Variants in JAK3 observed in about 807,000 individuals in gnomAD.
JAK3 encodes Janus kinase 3.
In JAK3, 88 loss-of-function variants were observed where a neutral mutation model predicts 120.8. That is an observed-to-expected ratio of 0.73 (90% CI 0.61 to 0.87). The LOEUF (loss-of-function observed/expected upper bound fraction) is 0.87, where lower values mean the gene tolerates loss of function less well. JAK3 is among the 40% of genes least tolerant of loss of function. JAK3 has a pLI of 0.00. For missense variants in JAK3, 1,254 were observed against 1,501.4 expected, an observed-to-expected ratio of 0.84 and a Z score of 2.72; for synonymous variants, 592 against 628.6, an observed-to-expected ratio of 0.94 and a Z score of 0.87.
Position 17,838,410 on chromosome 19 carries a change from G to A in JAK3, c.1442-20C>T, listed in dbSNP as rs1373834246. ...ACTTTTCTATGGGGAGAGGATGAGG[G>A]AGAAAAACCAGAAATCAGAGGTGAA... On this transcript the variant is annotated intron_variant, in intron 10 of 23. Transcript: ENST00000458235. 6.2e-7 allele frequency: 1 copy of A among 1,614,120 alleles called. No homozygotes were observed. The highest frequency in any genetic ancestry group is 8.5e-7 in the Non-Finnish European group (1 of 1,180,006).
At chr19:17,835,783 C>A in intron 14 of JAK3, 141 bp downstream of exon 14, 1 of 1,031,664 alleles carries the variant, frequency 9.7e-7, no homozygotes, top group Admixed American at 2.0e-5. Context: ...CTAGTGTTCT[C>A]ACAACCTGAA....
At position 17,843,046 on chromosome 19, in the gene JAK3, C is replaced by T. The variant is rs1236803438; in HGVS notation, c.547G>A (p.Glu183Lys). 3 of 1,610,712 alleles carry T rather than the reference C, an allele frequency of 1.9e-6. No individual in the cohort carries two copies. The highest frequency in any genetic ancestry group is 3.3e-5 in the Admixed American group (2 of 60,014). ...TCTCACCTGACAGTCTTCAGCAGCT[C>T]TCCCGGCCGCTGGGCCTGCTCTCGC... is the stretch of plus-strand genomic sequence containing the variant. Reference protein sequence around the residue: ...MAREQAQRPGELLKTVSYKAC... With the variant: ...MAREQAQRPGKLLKTVSYKAC... Residue 183 changes from glutamate to lysine, a missense_variant, in exon 5 of 24, where the codon GAG becomes AAG. By Grantham distance (56) the Glu-to-Lys change is moderately conservative (BLOSUM62 1). Around this residue, in one of 3 missense-constraint regions of JAK3, gnomAD observed 486 missense variants for 503.0 expected, o/e 0.97. Coordinates refer to ENST00000458235, the MANE Select transcript of JAK3 (RefSeq NM_000215.4). This position sits in a 1 kb window ranked among gnomAD's most constrained non-coding sequence, Gnocchi z 5.4.
chr19:17,828,956 A>G (rs1599864954), intron 23 of JAK3, among the ~76,000 whole-genome samples: 1 of 151,920 alleles, frequency 6.6e-6, no homozygotes, highest in Non-Finnish European at 1.5e-5. Flanking sequence ...CGAGCTCAAG[A>G]CCAGCCTAGG....
Position 17,836,047 on chromosome 19 carries a change from G to A in JAK3, c.1791C>T (p.Thr597=), listed in dbSNP as rs1264679447. 1.2e-6 allele frequency: 2 copies of A among 1,613,094 alleles called. No homozygotes were observed. The highest frequency in any genetic ancestry group is 2.7e-5 in the African/African-American group (2 of 74,872). Residue 597 remains threonine (T), a synonymous_variant, in exon 14 of 24, where the codon ACC becomes ACT. Transcript: ENST00000458235. ...CCAGGTGTACAAATTCCTGCACCAT[G>A]GTGCCTGGTTGGCAGCAGGGAGAGG... ...LHGVCMAGDS[T]MVQEFVHLGA... is the part of the protein sequence containing the mutation.
rs3212704 is a variant in JAK3 at position 17,845,796 on chromosome 19, T to TG, written c.-13-1367dup. Among the ~76,000 whole-genome samples, 978 of 152,210 alleles carry TG rather than the reference T, an allele frequency of 6.4e-3. 9 individuals carry two copies. The highest frequency in any genetic ancestry group is 0.022 in the African/African-American group (931 of 41,556). On this transcript the variant is annotated intron_variant, in intron 1 of 23. Transcript: ENST00000458235. ...AACTATGATCCAAAATAATGCCCTG[T>TG]GGCTGGGGTGGGGCGGCATTAATGA...
Position 17,830,853 on chromosome 19 carries a change from TG to T in JAK3, c.2979-234del, listed in dbSNP as rs35483219. On this transcript the variant is annotated intron_variant, in intron 21 of 23. Coordinates refer to ENST00000458235, the MANE Select transcript of JAK3 (RefSeq NM_000215.4). ...CGGGGGCAGCACGGAGGGGCGGAGA[TG>T]GGGGCGGGGCCAGAGCCGTGGGAGG... is the stretch of plus-strand genomic sequence containing the variant. Among the ~76,000 whole-genome samples the T allele has an allele frequency of 0.49, 31,954 of 64,880 alleles. 5,995 individuals carry two copies. Among genetic ancestry groups the T allele is most frequent in the East Asian group, 0.6 (1,438 of 2,396 alleles). The allele number at this position is 64,880 out of a possible 152,430, so 42.6% of individuals were successfully genotyped here.
Position 17,832,408 on chromosome 19 carries a change from G to C in JAK3, c.2680+111C>G. The C allele has an allele frequency of 9.3e-7, 1 of 1,076,040 alleles. No individual in the cohort carries two copies. Among genetic ancestry groups the C allele is most frequent in the Non-Finnish European group, 1.4e-6 (1 of 697,192 alleles). 66.7% of individuals were successfully genotyped at this position (1,076,040 alleles called of 1,614,324 possible). A position where few individuals can be genotyped will look rare whatever the true frequency, so the allele number is the denominator to read the frequency against. On this transcript the variant is annotated intron_variant, in intron 19 of 23. Transcript: ENST00000458235. This position sits in a 1 kb window ranked among gnomAD's most constrained non-coding sequence, Gnocchi z 4.7. ...CAAACCTGTAACCCATGTGAATCTG[G>C]ATCAATAATCACGTTCCCAGCCTAC...
chr19:17,829,094 G>C (rs3212786), intron 23 of JAK3, among the ~76,000 whole-genome samples: 1,569 of 152,178 alleles, frequency 0.01, 23 homozygotes, highest in African/African-American at 0.035. Flanking sequence ...AGGAGTTCAA[G>C]ACCAGCCTGG....
At position 17,830,626 on chromosome 19, in the gene JAK3, G is replaced by A. The variant is rs2147674656; in HGVS notation, c.2979-6C>T. 2 of 1,610,816 alleles carry A rather than the reference G, an allele frequency of 1.2e-6. No individual in the cohort carries two copies. Among genetic ancestry groups the A allele is most frequent in the Non-Finnish European group, 1.7e-6 (2 of 1,177,478 alleles). The stretch of plus-strand genomic sequence containing the variant: ...AGAGGGATTCGGGGGCATACCTGGA[G>A]AGGGGACAAGGTCTTGAGATGCGAG... On this transcript the variant is annotated splice_region_variant and splice_polypyrimidine_tract_variant and intron_variant, in intron 21 of 23. Transcript: ENST00000458235.
At position 17,834,663 on chromosome 19, in the gene JAK3, G is replaced by C; in HGVS notation, c.2258C>G (p.Ala753Gly). Residue 753 changes from alanine to glycine, a missense_variant, in exon 17 of 24, where the codon GCC (alanine) becomes GGC (glycine). This residue lies in a region of JAK3 where 630 missense variants were observed against 819.8 expected (regional missense o/e 0.77). Transcript: ENST00000458235. ...QLPAPKWTEL[A>G]LLIQQCMAYE... Reference sequence around the variant, plus strand: ...GGCCATGCACTGTTGAATCAGCAGGGCCAGCTCTGTCCACTTGGGGGCCGG... The same window carrying C: ...GGCCATGCACTGTTGAATCAGCAGGCCCAGCTCTGTCCACTTGGGGGCCGG... 1 of 1,614,126 alleles carries C rather than the reference G, an allele frequency of 6.2e-7. No individual in the cohort carries two copies. The highest frequency in any genetic ancestry group is 8.5e-7 in the Non-Finnish European group (1 of 1,180,012).
intron 10 of JAK3, 27 bp downstream of exon 10, chr19:17,839,449 AC>A: frequency 6.4e-7 from 1 of 1,551,986 alleles, no homozygotes; most frequent in African/African-American, 1.4e-5. Context: ...CAGATCAGCC[AC>A]TCATTCCAGG....
At chr19:17,847,869 C>T (rs2094256007) in intron 1 of JAK3, 77 bp downstream of exon 1, 1 of 710,340 alleles carries the variant, frequency 1.4e-6, no homozygotes, top group Non-Finnish European at 1.8e-6. Context: ...AGCACCCTGC[C>T]CCAGCCCAGC....
Position 17,835,931 on chromosome 19 carries a change from T to C in JAK3, c.1907A>G (p.Asn636Ser), listed in dbSNP as rs781265732. ...AGGCAGAGGAGCACTCACCAGATAGTTGAGGGCGTAGGCCAGCTGTTTGAC... is the reference window on the plus strand; with the variant it reads ...AGGCAGAGGAGCACTCACCAGATAGCTGAGGGCGTAGGCCAGCTGTTTGAC... Reference protein sequence around the residue: ...QVVKQLAYALNYLEDKGLPHG... With the variant: ...QVVKQLAYALSYLEDKGLPHG... Residue 636 changes from asparagine to serine, a missense_variant, in exon 14 of 24, where the codon AAC (asparagine) becomes AGC (serine). By Grantham distance (46) the Asn-to-Ser change is conservative. Coordinates refer to ENST00000458235, the MANE Select transcript of JAK3 (RefSeq NM_000215.4). 8.1e-6 allele frequency: 13 copies of C among 1,613,774 alleles called. No homozygotes were observed. Among genetic ancestry groups the C allele is most frequent in the Middle Eastern group, 3.3e-4 (2 of 6,082 alleles).
chr19:17,837,150 C>A lies in JAK3; in HGVS notation c.1765G>T (p.Gly589Cys). 1 of 1,559,510 alleles carries A rather than the reference C, an allele frequency of 6.4e-7. No homozygotes were observed. Among genetic ancestry groups the A allele is most frequent in the Non-Finnish European group, 8.7e-7 (1 of 1,152,284 alleles). Residue 589 changes from glycine to cysteine, a missense_variant, in exon 13 of 24, where the codon GGC (glycine) becomes TGC (cysteine). Gly to Cys is a radical substitution (Grantham distance 159). This residue lies in a region of JAK3 where 630 missense variants were observed against 819.8 expected (regional missense o/e 0.77). Coordinates refer to ENST00000458235, the MANE Select transcript of JAK3 (RefSeq NM_000215.4). ...TCACTGTCTCCAGCCATGCACACGC[C>A]GTGGAGCAGCACGAGATGCCGGTAC... ...VSYRHLVLLH[G>C]VCMAGDSTMV...
intron 13 of JAK3, 69 bp from the exon 14 acceptor site, chr19:17,836,120 C>T: frequency 6.3e-7 from 1 of 1,583,952 alleles, no homozygotes; most frequent in Non-Finnish European, 8.6e-7. Context: ...GTTCTGCCAA[C>T]ACCCTGGCTC....
Position 17,825,305 on chromosome 19 carries a change from G to A in JAK3, c.*1438C>T. 4.4e-6 allele frequency: 1 copy of A among 228,816 alleles called. No individual in the cohort carries two copies. Among genetic ancestry groups the A allele is most frequent in the Non-Finnish European group, 8.7e-6 (1 of 115,356 alleles). The allele number at this position is 228,816 out of a possible 1,614,324, so 14.2% of individuals were successfully genotyped here. On this transcript the variant is annotated 3_prime_UTR_variant, in exon 24 of 24. Coordinates refer to ENST00000458235, the MANE Select transcript of JAK3 (RefSeq NM_000215.4). The stretch of plus-strand genomic sequence containing the variant: ...CTTGGCATGCTGTTCCCTCTGCCAG[G>A]AATGCCTTTCCTTCCCTTGATTGCG...
At chr19:17,836,845 C>T in intron 13 of JAK3, 2 of 521,344 alleles carry the variant, frequency 3.8e-6, no homozygotes, top group Non-Finnish European at 7.1e-6. Flanking sequence ...CCAATGAAAC[C>T]AAGGCTCAGA....
In JAK3 at chr19:17,832,691, C is replaced by T; in HGVS notation, c.2508G>A (p.Val836=). Residue 836 remains valine, a synonymous_variant, in exon 19 of 24, where the codon GTG becomes GTA. Coordinates refer to ENST00000458235, the MANE Select transcript of JAK3 (RefSeq NM_000215.4). This position sits in a 1 kb window ranked among gnomAD's most constrained non-coding sequence, Gnocchi z 4.7. ...SQLGKGNFGS[V]ELCRYDPLGD... is the part of the protein sequence containing the mutation. Reference sequence around the variant, plus strand: ...CTAGCGGGTCATAGCGGCACAGCTCCACGCTGCCAAAGTTGCCCTGGGGGA... The same window carrying T: ...CTAGCGGGTCATAGCGGCACAGCTCTACGCTGCCAAAGTTGCCCTGGGGGA... 6.2e-7 allele frequency: 1 copy of T among 1,614,248 alleles called. No homozygotes were observed. The highest frequency in any genetic ancestry group is 8.5e-7 in the Non-Finnish European group (1 of 1,180,046).
chr19:17,839,956 G>A (rs1014855053), intron 9 of JAK3, among the ~76,000 whole-genome samples: 3 of 151,928 alleles, frequency 2.0e-5, no homozygotes, highest in Non-Finnish European at 4.4e-5. Context: ...GGCCAGGATG[G>A]TTTCGATCTC....
Sources: allele counts gnomAD v4.1 joint callset (sites outside exome capture counted in the v4.1 genomes callset), GRCh38; gene constraint gnomAD v4.1.1; regional missense constraint gnomAD v4.1.1; non-coding constraint Gnocchi (gnomAD v3.1); transcripts MANE v1.5; gene names NCBI Gene and HGNC (gene_info 2026-07-23, HGNC 2026-07-21).